CACNA1G: variants seen among roughly 807,000 people sequenced by gnomAD.
CACNA1G encodes the protein calcium voltage-gated channel subunit alpha1 G.
A neutral mutation model predicts 219.4 loss-of-function variants in CACNA1G; 67 were observed. The observed-to-expected ratio is 0.31, with a 90% CI of 0.25 to 0.37. The LOEUF (loss-of-function observed/expected upper bound fraction) is 0.37. Among genes scored for constraint, CACNA1G ranks in the 10% least tolerant of loss-of-function variants. CACNA1G has a pLI of 1.00. For missense variants in CACNA1G, 2,380 were observed against 3,231.4 expected, an observed-to-expected ratio of 0.74 and a Z score of 6.39; for synonymous variants, 1,296 against 1,345.3, an observed-to-expected ratio of 0.96 and a Z score of 0.80.
In CACNA1G at chr17:50,560,844, C is replaced by T. The variant is rs1427549416; in HGVS notation, c.-616C>T. Among the ~76,000 whole-genome samples the T allele has an allele frequency of 1.3e-5, 2 of 152,080 alleles. No individual in the cohort carries two copies. The highest frequency in any genetic ancestry group is 4.8e-5 in the African/African-American group (2 of 41,442). On this transcript the variant is annotated 5_prime_UTR_variant, in exon 1 of 38. Coordinates refer to ENST00000359106, the MANE Select transcript of CACNA1G (RefSeq NM_018896.5). ...GCGGCTGCGGCGGCGGCATCTCCGC[C>T]TCCACTCCCGCCCGGGACTGCCCCC...
chr17:50,590,764 C>T (rs896024455), intron 10 of CACNA1G, 142 bp downstream of exon 10: 1 of 707,662 alleles, frequency 1.4e-6, no homozygotes, highest in African/African-American at 1.8e-5. Flanking sequence ...TGCCACTCCT[C>T]CTAGGTGGGG....
Position 50,616,338 on chromosome 17 carries a change from G to T in CACNA1G, c.4975G>T (p.Val1659Phe). The T allele has an allele frequency of 6.2e-7, 1 of 1,613,846 alleles. No individual in the cohort carries two copies. Among genetic ancestry groups the T allele is most frequent in the Non-Finnish European group, 8.5e-7 (1 of 1,179,748 alleles). Reference sequence around the variant, plus strand: ...CACTGTCATCTTTGTCTTGGAGTCAGTTTTCAAACTTGTGGCCTTTGGTTT... The same window carrying T: ...CACTGTCATCTTTGTCTTGGAGTCATTTTTCAAACTTGTGGCCTTTGGTTT... ...IFTVIFVLES[V>F]FKLVAFGFRR... The change falls in exon 28 of 38, where the codon GTT becomes TTT. Residue 1659 changes from valine (V) to phenylalanine (F), a missense_variant. Val to Phe is a conservative substitution (Grantham distance 50). Transcript: ENST00000359106.
At chr17:50,565,726 AC>A (rs2037632625) in intron 1 of CACNA1G, among the ~76,000 whole-genome samples, 1 of 150,822 alleles carries the variant, frequency 6.6e-6, no homozygotes, top group Non-Finnish European at 1.5e-5. Flanking sequence ...TACTTTCCTC[AC>A]CCTTGCGGCT....
chr17:50,603,637 G>A lies in CACNA1G; in HGVS notation c.4169+438G>A, dbSNP rs527309676. Among the ~76,000 whole-genome samples, 3 of 145,876 alleles carry A rather than the reference G, an allele frequency of 2.1e-5. No individual in the cohort carries two copies. The highest frequency in any genetic ancestry group is 2.2e-4 in the South Asian group (1 of 4,576). On this transcript the variant is annotated intron_variant, in intron 21 of 37. Coordinates refer to ENST00000359106, the MANE Select transcript of CACNA1G (RefSeq NM_018896.5). This position sits in a 1 kb window ranked among gnomAD's most constrained non-coding sequence, Gnocchi z 6.4. ...AGGCGCCTGCCAGTGACCACCCCCC[G>A]GTGACATTTCTCCTGACCAGGGATC...
Position 50,590,625 on chromosome 17 carries a change from A to G in CACNA1G, c.2453+3A>G, listed in dbSNP as rs748515794. ...GATGGTGTCATTGTGGTCATCAGGTATGACTACCCCCCGGCACTGACTCTC... is the reference window on the plus strand; with the variant it reads ...GATGGTGTCATTGTGGTCATCAGGTGTGACTACCCCCCGGCACTGACTCTC... On this transcript the variant is annotated splice_donor_region_variant and intron_variant, in intron 10 of 37. Transcript: ENST00000359106. 1 of 1,613,008 alleles carries G rather than the reference A, an allele frequency of 6.2e-7. No homozygotes were observed.
rs1350363920 is a variant in CACNA1G at position 50,599,462 on chromosome 17, G to C, written c.3293G>C (p.Ser1098Thr). The C allele has an allele frequency of 6.4e-7, 1 of 1,572,838 alleles. No homozygotes were observed. Among genetic ancestry groups the C allele is most frequent in the African/African-American group, 1.4e-5 (1 of 74,040 alleles). ...SARSSPHSPW[S>T]AASSWTSRRS... is the part of the protein sequence containing the mutation. ...CGCAGCTCTCCGCACAGCCCCTGGA[G>C]CGCTGCAAGCAGCTGGACCAGCAGG... Residue 1098 changes from serine to threonine, a missense_variant, in exon 17 of 38, where the codon AGC (serine) becomes ACC (threonine). Around this residue, in one of 17 missense-constraint regions of CACNA1G, gnomAD observed 418 missense variants for 434.3 expected, o/e 0.96. Coordinates refer to ENST00000359106, the MANE Select transcript of CACNA1G (RefSeq NM_018896.5).
At chr17:50,584,766 G>A (rs901464889) in intron 9 of CACNA1G, among the ~76,000 whole-genome samples, 1 of 152,130 alleles carries the variant, frequency 6.6e-6, no homozygotes, top group South Asian at 2.1e-4. Flanking sequence ...AGCCTGCAAC[G>A]AGGGGCCAGG....
chr17:50,567,479 G>A (rs2038220373), intron 1 of CACNA1G, among the ~76,000 whole-genome samples: 1 of 152,028 alleles, frequency 6.6e-6, no homozygotes. Context: ...GACCAGCTGG[G>A]AGGAAGGTCC....
At chr17:50,573,230 G>A (rs1378506042) in intron 7 of CACNA1G, 117 bp downstream of exon 7, 2 of 715,918 alleles carry the variant, frequency 2.8e-6, no homozygotes, top group Admixed American at 2.1e-5. Flanking sequence ...GACAAGTCCT[G>A]TAGAGAGGGC....
At chr17:50,611,776 C>T (rs2049261947) in intron 26 of CACNA1G, among the ~76,000 whole-genome samples, 1 of 152,214 alleles carries the variant, frequency 6.6e-6, no homozygotes, top group African/African-American at 2.4e-5. Context: ...GAGACTTTTC[C>T]ACCTTGGGTG....
Position 50,627,435 on chromosome 17 carries a change from C to A in CACNA1G, c.*684C>A, listed in dbSNP as rs8079286. 10,448 of 258,232 alleles carry A rather than the reference C, an allele frequency of 0.04. 1,056 individuals are homozygous for A. The highest frequency in any genetic ancestry group is 0.22 in the African/African-American group (9,615 of 44,288). The allele number at this position is 258,232 out of a possible 1,614,324, so 16.0% of individuals were successfully genotyped here. ...CATACATACATATCTATCTATCTAT[C>A]TATATATATATAAAATAAAGTAATT... On this transcript the variant is annotated 3_prime_UTR_variant, in exon 38 of 38. Coordinates refer to ENST00000359106, the MANE Select transcript of CACNA1G (RefSeq NM_018896.5).
chr17:50,609,083 G>C (rs1023061222), intron 25 of CACNA1G, among the ~76,000 whole-genome samples: 1 of 152,176 alleles, frequency 6.6e-6, no homozygotes, highest in Non-Finnish European at 1.5e-5. Flanking sequence ...GCGGTGGCCT[G>C]AGTTTTCCTT....
In CACNA1G at chr17:50,603,234, A is replaced by G; in HGVS notation, c.4169+35A>G. Reference sequence around the variant, plus strand: ...TCCCCAGCACTGGAACACCTCCAAGAGGTGGCCCCCTCCGCAGGGACATCT... The same window carrying G: ...TCCCCAGCACTGGAACACCTCCAAGGGGTGGCCCCCTCCGCAGGGACATCT... On this transcript the variant is annotated intron_variant, in intron 21 of 37. Transcript: ENST00000359106. The surrounding 1 kb of genome is among the most constrained non-coding windows in gnomAD (Gnocchi z 6.4). 6.3e-7 allele frequency: 1 copy of G among 1,576,474 alleles called. No individual in the cohort carries two copies. Among genetic ancestry groups the G allele is most frequent in the South Asian group, 1.1e-5 (1 of 89,206 alleles).
Position 50,617,847 on chromosome 17 carries a change from C to G in CACNA1G, c.5156-12C>G. ...CAAAGAGGCCAGCTCATGACGTTGT[C>G]CTGTTCTGCAGTGCTGAAGCTGCTG... is the stretch of plus-strand genomic sequence containing the variant. On this transcript the variant is annotated splice_polypyrimidine_tract_variant and intron_variant, in intron 29 of 37. Transcript: ENST00000359106. The surrounding 1 kb of genome is among the most constrained non-coding windows in gnomAD (Gnocchi z 5.8). 2 of 1,613,104 alleles carry G rather than the reference C, an allele frequency of 1.2e-6. No homozygotes were observed. The highest frequency in any genetic ancestry group is 1.7e-6 in the Non-Finnish European group (2 of 1,179,796).
In CACNA1G at chr17:50,600,738, C is replaced by T. The variant is rs768623076; in HGVS notation, c.3703C>T (p.Arg1235Trp). Residue 1235 changes from arginine to tryptophan, a missense_variant, in exon 18 of 38, where the codon CGG becomes TGG. This residue lies in a region of CACNA1G where 418 missense variants were observed against 434.3 expected (regional missense o/e 0.96). Transcript: ENST00000359106. This position sits in a 1 kb window ranked among gnomAD's most constrained non-coding sequence, Gnocchi z 4.1. ...DDEGNLSKGE[R>W]VRAWIRARLP... Reference sequence around the variant, plus strand: ...GTTTGTTCTGCAGAGCAAAGGGGAACGGGTCCGCGCGTGGATCCGAGCCCG... The same window carrying T: ...GTTTGTTCTGCAGAGCAAAGGGGAATGGGTCCGCGCGTGGATCCGAGCCCG... 11 of 1,613,646 alleles carry T rather than the reference C, an allele frequency of 6.8e-6. No individual in the cohort carries two copies. Among genetic ancestry groups the T allele is most frequent in the South Asian group, 5.5e-5 (5 of 91,082 alleles).
At position 50,603,029 on chromosome 17, in the gene CACNA1G, C is replaced by T. The variant is rs1424834209; in HGVS notation, c.3999C>T (p.Gly1333=). 2.5e-6 allele frequency: 4 copies of T among 1,612,178 alleles called. No homozygotes were observed. Among genetic ancestry groups the T allele is most frequent in the African/African-American group, 1.3e-5 (1 of 74,840 alleles). The change falls in exon 21 of 38, where the codon GGC becomes GGT. Residue 1333 remains glycine, a synonymous_variant. Transcript: ENST00000359106. This position sits in a 1 kb window ranked among gnomAD's most constrained non-coding sequence, Gnocchi z 6.4. ...GTGGTCCCCAGGTGGTGGCACTGGG[C>T]TGGTGCTTCGGGGAGCAGGCGTACC... ...AEMTVKVVAL[G]WCFGEQAYLR... is the part of the protein sequence containing the mutation.
rs1301643733 is a variant in CACNA1G at position 50,571,423 on chromosome 17, C to T, written c.587-455C>T. Reference sequence around the variant, plus strand: ...GAGAAGGAAGTAGGTAGGGAGTGTGCGTGTGAATGTGTGCGGGTGTGGGTG... The same window carrying T: ...GAGAAGGAAGTAGGTAGGGAGTGTGTGTGTGAATGTGTGCGGGTGTGGGTG... On this transcript the variant is annotated intron_variant, in intron 4 of 37. Transcript: ENST00000359106. This position sits in a 1 kb window ranked among gnomAD's most constrained non-coding sequence, Gnocchi z 4.3. 2.6e-5 allele frequency among the ~76,000 whole-genome samples: 4 copies of T among 151,960 alleles called. No homozygotes were observed. Among genetic ancestry groups the T allele is most frequent in the Admixed American group, 6.6e-5 (1 of 15,244 alleles).
rs545572098 is a variant in CACNA1G, at chr17:50,571,424, G to T, written c.587-454G>T. 6.6e-6 allele frequency among the ~76,000 whole-genome samples: 1 copy of T among 152,144 alleles called. No homozygotes were observed. Among genetic ancestry groups the T allele is most frequent in the South Asian group, 2.1e-4 (1 of 4,822 alleles). On this transcript the variant is annotated intron_variant, in intron 4 of 37. Coordinates refer to ENST00000359106, the MANE Select transcript of CACNA1G (RefSeq NM_018896.5). This position sits in a 1 kb window ranked among gnomAD's most constrained non-coding sequence, Gnocchi z 4.3. ...AGAAGGAAGTAGGTAGGGAGTGTGC[G>T]TGTGAATGTGTGCGGGTGTGGGTGT...
At chr17:50,572,438 T>G (rs2039666474) in intron 5 of CACNA1G, 116 bp from the exon 6 acceptor site, 3 of 872,184 alleles carry the variant, frequency 3.4e-6, no homozygotes. Context: ...CCATTCTTGG[T>G]TCTGCCCTGC....
Sources: gnomAD v4.1 joint callset for allele counts (sites outside exome capture counted in the v4.1 genomes callset) on GRCh38, gnomAD v4.1.1 for gene constraint, gnomAD v4.1.1 regional missense constraint, Gnocchi (gnomAD v3.1) non-coding constraint, MANE v1.5 for transcripts, NCBI Gene and HGNC (gene_info 2026-07-23, HGNC 2026-07-21) for gene names.